MPDZ: variants seen among roughly 807,000 people sequenced by gnomAD.
The protein encoded by MPDZ is multiple PDZ domain protein.
In MPDZ, 234 loss-of-function variants were observed where a neutral mutation model predicts 239.1. The observed-to-expected ratio is 0.98, with a 90% CI of 0.88 to 1.09. MPDZ has a LOEUF of 1.09. Ranked by LOEUF, MPDZ falls within the 50% of genes least tolerant of loss-of-function variation. MPDZ has a pLI of 0.00. For missense variants in MPDZ, 3,175 were observed against 2,510.0 expected (o/e 1.26, Z -5.66); for synonymous variants, 1,048 against 881.3 (o/e 1.19, Z -3.35).
At chr9:13,194,586 C>G (rs1452903320) in intron 13 of MPDZ, among the ~76,000 whole-genome samples, 2 of 151,988 alleles carry the variant, frequency 1.3e-5, no homozygotes, top group African/African-American at 4.8e-5. Context: ...AGGATAAATA[C>G]CTAATGCATG....
chr9:13,165,387 G>C, intron 22 of MPDZ: 1 of 1,549,470 alleles, frequency 6.5e-7, no homozygotes, highest in Non-Finnish European at 8.7e-7. Flanking sequence ...GGGCTCGATC[G>C]TCAGCAGGTG....
chr9:13,248,180 A>G (rs963748643), intron 2 of MPDZ, among the ~76,000 whole-genome samples: 1 of 149,198 alleles, frequency 6.7e-6, no homozygotes, highest in Admixed American at 6.8e-5. Context: ...GTGAGCCGAG[A>G]TTGGGCCACT....
intron 1 of MPDZ, among the ~76,000 whole-genome samples, chr9:13,250,816 A>G (rs561694945): frequency 1.3e-5 from 2 of 152,220 alleles, no homozygotes; most frequent in South Asian, 4.1e-4. Flanking sequence ...TGAGGAGACA[A>G]TACATGCATA....
At chr9:13,202,311 G>A (rs1270659075) in intron 12 of MPDZ, among the ~76,000 whole-genome samples, 2 of 152,098 alleles carry the variant, frequency 1.3e-5, no homozygotes, top group Non-Finnish European at 2.9e-5. Context: ...GTCCTGCTAT[G>A]GGTCTCCAGC....
At chr9:13,203,728 CCACACACACACACACACACACACA>C (rs58472339) in intron 12 of MPDZ, among the ~76,000 whole-genome samples, 3 of 140,558 alleles carry the variant, frequency 2.1e-5, no homozygotes, top group East Asian at 2.1e-4. Context: ...ATGTATCCTG[CCACACACACACACACACACACACA>C]CACACACACA....
chr9:13,236,656 A>G (rs1964122468), intron 3 of MPDZ, among the ~76,000 whole-genome samples: 1 of 151,936 alleles, frequency 6.6e-6, no homozygotes, highest in African/African-American at 2.4e-5. Flanking sequence ...TTGGGAATAT[A>G]CTTAGGTAAA....
intron 22 of MPDZ, among the ~76,000 whole-genome samples, chr9:13,165,949 A>G (rs1051373830): frequency 2.0e-5 from 3 of 152,212 alleles, no homozygotes; most frequent in African/African-American, 7.2e-5. Context: ...CACACACACA[A>G]AAGTTCCTAG....
At chr9:13,145,868 T>C (rs754432749) in intron 26 of MPDZ, among the ~76,000 whole-genome samples, 3 of 151,982 alleles carry the variant, frequency 2.0e-5, no homozygotes, top group Non-Finnish European at 4.4e-5. Flanking sequence ...TGAGAATCAC[T>C]ATTCAGCAAT....
chr9:13,114,591 T>C (rs1447734173), intron 40 of MPDZ, among the ~76,000 whole-genome samples: 1 of 152,192 alleles, frequency 6.6e-6, no homozygotes, highest in East Asian at 1.9e-4. Context: ...GATGTTGCTA[T>C]AAAATATTTT....
intron 18 of MPDZ, among the ~76,000 whole-genome samples, chr9:13,185,422 C>G (rs1369657212): frequency 2.0e-5 from 3 of 152,064 alleles, no homozygotes; most frequent in African/African-American, 7.2e-5. Context: ...TTAAACCTTT[C>G]TCCAGTCTAA....
At chr9:13,136,965 G>A (rs1319667510) in intron 29 of MPDZ, among the ~76,000 whole-genome samples, 162 bp from the exon 30 acceptor site, 1 of 151,976 alleles carries the variant, frequency 6.6e-6, no homozygotes, top group Non-Finnish European at 1.5e-5. Flanking sequence ...GACTTTTCAT[G>A]GTGAATAAAG....
intron 27 of MPDZ, 53 bp downstream of exon 27, chr9:13,143,412 GA>G (rs1011857624): frequency 7.5e-7 from 1 of 1,333,590 alleles, no homozygotes; most frequent in African/African-American, 1.4e-5. Context: ...TAGTAACAAA[GA>G]ACAAAACATT....
intron 15 of MPDZ, among the ~76,000 whole-genome samples, chr9:13,191,198 G>T (rs1175235036): frequency 6.6e-6 from 1 of 152,050 alleles, no homozygotes; most frequent in South Asian, 2.1e-4. Flanking sequence ...TAGACTTTGA[G>T]TGCTATAAAA....
intron 3 of MPDZ, among the ~76,000 whole-genome samples, chr9:13,229,825 T>C (rs900242165): frequency 1.3e-5 from 2 of 152,164 alleles, no homozygotes; most frequent in Non-Finnish European, 2.9e-5. Context: ...GTACATACAG[T>C]TGCACAAAAG....
intron 1 of MPDZ, among the ~76,000 whole-genome samples, chr9:13,270,757 G>A (rs748231763): frequency 6.6e-6 from 1 of 152,070 alleles, no homozygotes; most frequent in African/African-American, 2.4e-5. Context: ...GGCCAGAGCT[G>A]ATCTAGAATG....
At chr9:13,128,347 A>G (rs1391366706) in intron 32 of MPDZ, among the ~76,000 whole-genome samples, 4 of 152,194 alleles carry the variant, frequency 2.6e-5, no homozygotes, top group Non-Finnish European at 5.9e-5. Flanking sequence ...GCCAGCTGCC[A>G]TTGTCCTAAG....
chr9:13,272,578 C>T (rs932798751), intron 1 of MPDZ, among the ~76,000 whole-genome samples: 18 of 151,740 alleles, frequency 1.2e-4, no homozygotes, highest in Middle Eastern at 6.8e-3. Context: ...GAAAATGAGG[C>T]CGAGCGTGGT....
chr9:13,107,960 G>C (rs1941763659), intron 46 of MPDZ, among the ~76,000 whole-genome samples: 3 of 152,104 alleles, frequency 2.0e-5, no homozygotes, highest in South Asian at 2.1e-4. Context: ...AGCAAATGCT[G>C]TTTGTATTTT....
intron 1 of MPDZ, among the ~76,000 whole-genome samples, chr9:13,252,578 A>AAG (rs1202672098): frequency 1.3e-5 from 2 of 150,902 alleles, no homozygotes; most frequent in East Asian, 3.9e-4. Context: ...CAAAAAAAAA[A>AAG]AAAAAAATCG....
Sources: gnomAD v4.1 joint callset for allele counts (sites outside exome capture counted in the v4.1 genomes callset) on GRCh38, gnomAD v4.1.1 for gene constraint, MANE v1.5 for transcripts, NCBI Gene and HGNC (gene_info 2026-07-23, HGNC 2026-07-21) for gene names.